The following CNTN4 variants were observed in gnomAD, a reference collection of about 807,000 sequenced individuals.
CNTN4 encodes contactin 4.
CNTN4 carries 77 observed loss-of-function variants against 122.5 expected under a neutral mutation model. The observed-to-expected ratio is 0.63, with a 90% CI of 0.52 to 0.76. The LOEUF is 0.76. Among genes scored for constraint, CNTN4 ranks in the 30% least tolerant of loss-of-function variants. CNTN4 has a pLI of 0.00. For synonymous variants in CNTN4, 512 were observed against 447.0 expected (o/e 1.15, Z -1.83); for missense variants, 1,256 against 1,259.1 (o/e 1.00, Z 0.04).
rs139694669 is a variant in CNTN4 at position 2,850,056 on chromosome 3, C to T, written c.455-16696C>T. On this transcript the variant is annotated intron_variant, in intron 7 of 24. Transcript: ENST00000418658. ...CCAGACTGGAGTGCAGTGGTGCAAT[C>T]TCAGCTCACTGCAAGCTCCACCTCC... 9.5e-3 allele frequency among the ~76,000 whole-genome samples: 1,411 copies of T among 148,380 alleles called. 21 individuals are homozygous for T. Among genetic ancestry groups the T allele is most frequent in the African/African-American group, 0.033 (1,327 of 40,300 alleles).
chr3:2,612,478 T>C (rs1435629755), intron 4 of CNTN4, among the ~76,000 whole-genome samples: 2 of 152,166 alleles, frequency 1.3e-5, no homozygotes, highest in African/African-American at 4.8e-5. Flanking sequence ...TATATGTGTG[T>C]GTGCGTGTGA....
At chr3:2,655,000 G>A (rs1475578765) in intron 4 of CNTN4, among the ~76,000 whole-genome samples, 2 of 152,024 alleles carry the variant, frequency 1.3e-5, no homozygotes, top group Non-Finnish European at 2.9e-5. Flanking sequence ...AATGTCAGAT[G>A]GATTTTTAAA....
At chr3:2,367,984 T>G (rs1351274836) in intron 3 of CNTN4, among the ~76,000 whole-genome samples, 1 of 151,868 alleles carries the variant, frequency 6.6e-6, no homozygotes, top group Non-Finnish European at 1.5e-5. Context: ...TGGTTCACTA[T>G]AGCTTTACAA....
At chr3:2,721,154 T>A (rs2087828121) in intron 4 of CNTN4, among the ~76,000 whole-genome samples, 1 of 152,028 alleles carries the variant, frequency 6.6e-6, no homozygotes, top group Non-Finnish European at 1.5e-5. Flanking sequence ...ATATTTTTAG[T>A]AGAGATGAGG....
At chr3:2,712,255 T>G (rs2149344336) in intron 4 of CNTN4, among the ~76,000 whole-genome samples, 1 of 152,308 alleles carries the variant, frequency 6.6e-6, no homozygotes, top group East Asian at 1.9e-4. Flanking sequence ...TTAGAAGTGA[T>G]TTTTTAAAAA....
intron 13 of CNTN4, among the ~76,000 whole-genome samples, chr3:2,975,729 A>G (rs1693356777): frequency 6.6e-6 from 1 of 152,200 alleles, no homozygotes; most frequent in Admixed American, 6.5e-5. Flanking sequence ...TTTGTTATAT[A>G]AAGCTTCCTG....
At chr3:2,265,808 C>G (rs2041020824) in intron 2 of CNTN4, among the ~76,000 whole-genome samples, 1 of 148,794 alleles carries the variant, frequency 6.7e-6, no homozygotes, top group South Asian at 2.1e-4. Context: ...TAAATGGATT[C>G]CTAGAATTTT....
intron 3 of CNTN4, among the ~76,000 whole-genome samples, chr3:2,552,692 G>T (rs2078560080): frequency 6.6e-6 from 1 of 152,110 alleles, no homozygotes; most frequent in African/African-American, 2.4e-5. Flanking sequence ...AAAGAGAGGA[G>T]ACTTTATTTT....
intron 4 of CNTN4, among the ~76,000 whole-genome samples, chr3:2,662,932 T>C (rs2083971013): frequency 6.6e-6 from 1 of 151,974 alleles, no homozygotes; most frequent in Non-Finnish European, 1.5e-5. Flanking sequence ...ATCTTCACAT[T>C]TGTATTTTAG....
At chr3:2,159,590 A>T (rs1165626102) in intron 2 of CNTN4, among the ~76,000 whole-genome samples, 1 of 152,088 alleles carries the variant, frequency 6.6e-6, no homozygotes, top group African/African-American at 2.4e-5. Flanking sequence ...TATTAAATGG[A>T]TTATCTGTCT....
In CNTN4 at chr3:3,040,331, A is replaced by T; in HGVS notation, c.2398+60A>T. 7.8e-6 allele frequency: 10 copies of T among 1,287,816 alleles called. No individual in the cohort carries two copies. In the South Asian group the frequency reaches 1.2e-4, roughly 15 times the overall value. The allele number at this position is 1,287,816 out of a possible 1,614,324, so 79.8% of individuals were successfully genotyped here. A position where few individuals can be genotyped will look rare whatever the true frequency, so the allele number is the denominator to read the frequency against. ...ATATTTCTTCAATTCTAAAATGTGG[A>T]TTGTAGCACGTACAATCAATTTCGC... is the stretch of plus-strand genomic sequence containing the variant. On this transcript the variant is annotated intron_variant, in intron 20 of 24. Transcript: ENST00000418658.
At position 2,895,900 on chromosome 3, in the gene CNTN4, G is replaced by T. The variant is rs188317910; in HGVS notation, c.941-4785G>T. Among the ~76,000 whole-genome samples the T allele has an allele frequency of 4.0e-3, 611 of 152,230 alleles. 2 individuals are homozygous for T. Among genetic ancestry groups the T allele is most frequent in the African/African-American group, 0.014 (584 of 41,552 alleles). On this transcript the variant is annotated intron_variant, in intron 10 of 24. Coordinates refer to ENST00000418658, the MANE Select transcript of CNTN4 (RefSeq NM_175607.3). ...ATACAAAAATTAGCCGAGCGTGGTG[G>T]CGGGCGCCTGTGGTCCCAGCTACTC...
chr3:2,400,261 T>A (rs1248752911), intron 3 of CNTN4, among the ~76,000 whole-genome samples: 1 of 150,790 alleles, frequency 6.6e-6, no homozygotes, highest in African/African-American at 2.4e-5. Context: ...AGCTTGTTTC[T>A]GTGCTATTTT....
At chr3:2,242,081 A>T (rs1205479817) in intron 2 of CNTN4, among the ~76,000 whole-genome samples, 1 of 152,188 alleles carries the variant, frequency 6.6e-6, no homozygotes, top group Non-Finnish European at 1.5e-5. Flanking sequence ...TTATATTAGT[A>T]CTAGGAAGAA....
intron 2 of CNTN4, among the ~76,000 whole-genome samples, chr3:2,214,783 T>TA (rs1267469547): frequency 1.3e-5 from 2 of 151,966 alleles, no homozygotes; most frequent in African/African-American, 2.4e-5. Context: ...GTAGGTACAT[T>TA]AAAAAAAATC....
chr3:2,326,442 G>C (rs1262718582), intron 2 of CNTN4, among the ~76,000 whole-genome samples: 2 of 151,142 alleles, frequency 1.3e-5, no homozygotes, highest in Non-Finnish European at 2.9e-5. Context: ...TTTGGGACTT[G>C]TCAGCCTCCT....
Position 2,724,740 on chromosome 3 carries a change from C to T in CNTN4, c.56-11475C>T, listed in dbSNP as rs529130441. Among the ~76,000 whole-genome samples the T allele has an allele frequency of 4.6e-5, 7 of 152,224 alleles. No homozygotes were observed. The East Asian group carries it at 5.8e-4, about 13-fold the overall frequency. ...TGGGCAGTTTAATGTCAGTGGGAAA[C>T]GGAGGGTGTCACTGGGGAGTTAAAA... On this transcript the variant is annotated intron_variant, in intron 4 of 24. Coordinates refer to ENST00000418658, the MANE Select transcript of CNTN4 (RefSeq NM_175607.3).
At chr3:2,767,532 T>C (rs1027209962) in intron 6 of CNTN4, among the ~76,000 whole-genome samples, 1 of 150,104 alleles carries the variant, frequency 6.7e-6, no homozygotes, top group Admixed American at 6.6e-5. Context: ...GGCTTTTTTG[T>C]TTTTGTTTTT....
At chr3:2,814,796 G>A (rs969527727) in intron 6 of CNTN4, among the ~76,000 whole-genome samples, 1 of 152,208 alleles carries the variant, frequency 6.6e-6, no homozygotes, top group Non-Finnish European at 1.5e-5. Context: ...TGAAGAAGGT[G>A]CTGCACCTCC....
Sources: allele counts gnomAD v4.1 joint callset (sites outside exome capture counted in the v4.1 genomes callset), GRCh38; gene constraint gnomAD v4.1.1; transcripts MANE v1.5; gene names NCBI Gene and HGNC (gene_info 2026-07-23, HGNC 2026-07-21).